The following TBC1D23 variants were observed in gnomAD, a reference collection of about 807,000 sequenced individuals.
TBC1D23 encodes the protein HCV non-structural protein 4A-transactivated protein 1.
Under a neutral mutation model 91.4 loss-of-function variants are expected in TBC1D23, and 55 were observed. The ratio of observed to expected loss-of-function variants is 0.60; its 90% CI spans 0.48 to 0.75. The LOEUF is 0.75. TBC1D23 is among the 30% of genes least tolerant of loss of function. TBC1D23 has a pLI of 0.00. For synonymous variants in TBC1D23, 289 were observed against 281.0 expected, an observed-to-expected ratio of 1.03 and a Z score of -0.28; for missense variants, 725 against 836.1, an observed-to-expected ratio of 0.87 and a Z score of 1.64.
chr3:100,304,691 AC>A (rs1197788258), intron 11 of TBC1D23, among the ~76,000 whole-genome samples, 154 bp from the exon 12 acceptor site: 1 of 152,144 alleles, frequency 6.6e-6, no homozygotes, highest in African/African-American at 2.4e-5. Context: ...AAATGGATAT[AC>A]CTCTCTCTGC....
At position 100,272,990 on chromosome 3, in the gene TBC1D23, G is replaced by A. The variant is rs113252329; in HGVS notation, c.54-6659G>A. On this transcript the variant is annotated intron_variant, in intron 1 of 18. Coordinates refer to ENST00000394144, the MANE Select transcript of TBC1D23 (RefSeq NM_001199198.3). ...CAGATGCCTTCCTCTTGTCTCAACT[G>A]CAAAGAGGCATGCCTTCCTCTTGTA... Among the ~76,000 whole-genome samples the A allele has an allele frequency of 8.5e-4, 130 of 152,172 alleles. 1 individual carries two copies. Among genetic ancestry groups the A allele is most frequent in the African/African-American group, 3.0e-3 (124 of 41,528 alleles).
chr3:100,321,271 G>A (rs764404121), intron 18 of TBC1D23, among the ~76,000 whole-genome samples: 2 of 152,190 alleles, frequency 1.3e-5, no homozygotes, highest in Non-Finnish European at 2.9e-5. Context: ...TAAGAAACTT[G>A]TTTTAGAATA....
intron 14 of TBC1D23, among the ~76,000 whole-genome samples, chr3:100,311,566 A>AT: frequency 6.6e-6 from 1 of 152,186 alleles, no homozygotes; most frequent in Non-Finnish European, 1.5e-5. Flanking sequence ...TTATTGCTAC[A>AT]TTTTGTAGCA....
intron 1 of TBC1D23, among the ~76,000 whole-genome samples, chr3:100,267,413 G>A (rs1419507009): frequency 2.6e-5 from 4 of 152,172 alleles, no homozygotes; most frequent in Admixed American, 6.5e-5. Flanking sequence ...AAAGTCATTT[G>A]TTGCAAGTCT....
intron 15 of TBC1D23, among the ~76,000 whole-genome samples, chr3:100,315,154 C>CTTTTTTTTTTTTTTTTTTTTTTTTTT (rs397705981): frequency 2.7e-5 from 2 of 73,664 alleles, no homozygotes; most frequent in Non-Finnish European, 4.8e-5. Flanking sequence ...GAGGCAGATT[C>CTTTTTTTTTTTTTTTTTTTTTTTTTT]TTTTTTTTTT....
chr3:100,271,812 T>C (rs1205378914), intron 1 of TBC1D23, among the ~76,000 whole-genome samples: 1 of 151,986 alleles, frequency 6.6e-6, no homozygotes, highest in Non-Finnish European at 1.5e-5. Flanking sequence ...TTGAGTAGAG[T>C]ATAGGAACAG....
chr3:100,310,768 A>C (rs1358661675), intron 14 of TBC1D23, among the ~76,000 whole-genome samples: 2 of 152,238 alleles, frequency 1.3e-5, no homozygotes, highest in Non-Finnish European at 2.9e-5. Context: ...TATCTGTCAC[A>C]TCATGCCATT....
chr3:100,274,791 G>A (rs371935597), intron 1 of TBC1D23, among the ~76,000 whole-genome samples: 1 of 147,006 alleles, frequency 6.8e-6, no homozygotes, highest in Admixed American at 6.8e-5. Context: ...TCTATAATAT[G>A]TAATTAACTT....
chr3:100,276,572 T>A (rs182755413), intron 1 of TBC1D23, among the ~76,000 whole-genome samples: 2 of 152,216 alleles, frequency 1.3e-5, no homozygotes, highest in Admixed American at 6.5e-5. Flanking sequence ...AGAAGAAAAA[T>A]CCAATTCATT....
At chr3:100,297,792 GTAT>G in intron 8 of TBC1D23, 128 bp from the exon 9 acceptor site, 1 of 664,722 alleles carries the variant, frequency 1.5e-6, no homozygotes, top group Non-Finnish European at 2.4e-6. Flanking sequence ...AGATTATGTA[GTAT>G]TAAGTTTTAA....
chr3:100,268,727 A>G (rs2067577407), intron 1 of TBC1D23, among the ~76,000 whole-genome samples: 1 of 152,198 alleles, frequency 6.6e-6, no homozygotes, highest in African/African-American at 2.4e-5. Flanking sequence ...GTGGAAAAAC[A>G]AGGATGCATT....
chr3:100,298,669 A>G (rs1032253723), intron 9 of TBC1D23, among the ~76,000 whole-genome samples: 4 of 152,188 alleles, frequency 2.6e-5, no homozygotes, highest in African/African-American at 9.7e-5. Flanking sequence ...TGCGCTGGTT[A>G]TTGAGGATTT....
Position 100,283,766 on chromosome 3 carries a change from A to G in TBC1D23, c.431A>G (p.Asp144Gly). The change falls in exon 4 of 19, where the codon GAT becomes GGT. Residue 144 changes from aspartate (D) to glycine (G), a missense_variant. Physicochemically the swap from Asp to Gly is moderately conservative, Grantham distance 94. Coordinates refer to ENST00000394144, the MANE Select transcript of TBC1D23 (RefSeq NM_001199198.3). The part of the protein sequence containing the change: ...PLVHLQLPRS[D>G]LYNCFYAIMN... ...GTGCATCTTCAACTGCCACGCAGCG[A>G]TTTATACAACTGCTTTTATGCCATA... 6.2e-7 allele frequency: 1 copy of G among 1,613,322 alleles called. No homozygotes were observed. Among genetic ancestry groups the G allele is most frequent in the Admixed American group, 1.7e-5 (1 of 60,024 alleles).
At position 100,323,580 on chromosome 3, in the gene TBC1D23, C is replaced by T; in HGVS notation, c.2019-7C>T. On this transcript the variant is annotated splice_region_variant and splice_polypyrimidine_tract_variant and intron_variant, in intron 18 of 18. Transcript: ENST00000394144. ...ATGTATATATATGTATTTTTTTTCC[C>T]CCTTAGGTATTTGATTCCAAATGCA... 6.9e-7 allele frequency: 1 copy of T among 1,443,320 alleles called. No individual in the cohort carries two copies. Among genetic ancestry groups the T allele is most frequent in the South Asian group, 1.5e-5 (1 of 64,628 alleles). 89.4% of individuals were successfully genotyped at this position (1,443,320 alleles called of 1,614,324 possible).
In TBC1D23 at chr3:100,302,186, C is replaced by T. The variant is rs1246767508; in HGVS notation, c.1212C>T (p.Gly404=). The T allele has an allele frequency of 2.5e-6, 4 of 1,613,768 alleles. No individual in the cohort carries two copies. The highest frequency in any genetic ancestry group is 3.4e-6 in the Non-Finnish European group (4 of 1,179,886). The change falls in exon 11 of 19, where the codon GGC becomes GGT. Residue 404 remains glycine (G), a synonymous_variant. Transcript: ENST00000394144. ...AGCACCTCTGTTTTATGGGCAGTGG[C>T]AGGGAGGAAGAAGACATGTATATGA... ...GGEHLCFMGS[G]REEEDMYMNM...
intron 16 of TBC1D23, among the ~76,000 whole-genome samples, 176 bp downstream of exon 16, chr3:100,316,363 C>T (rs576836457): frequency 3.9e-5 from 6 of 151,920 alleles, no homozygotes; most frequent in Admixed American, 6.6e-5. Flanking sequence ...AATTGTTGTA[C>T]GTATTAGAAA....
intron 15 of TBC1D23, among the ~76,000 whole-genome samples, chr3:100,313,427 C>CA (rs1254103263): frequency 5.3e-5 from 8 of 151,788 alleles, no homozygotes; most frequent in African/African-American, 9.7e-5. Context: ...ATTACCATGG[C>CA]AAAAAAAGTA....
chr3:100,283,388 T>A (rs1417500899), intron 3 of TBC1D23, among the ~76,000 whole-genome samples: 3 of 151,386 alleles, frequency 2.0e-5, no homozygotes, highest in Non-Finnish European at 4.4e-5. Flanking sequence ...AAAAAAAGGC[T>A]GTTATAAAGC....
chr3:100,296,664 C>T (rs1253890624), intron 8 of TBC1D23, among the ~76,000 whole-genome samples: 1 of 151,348 alleles, frequency 6.6e-6, no homozygotes, highest in African/African-American at 2.4e-5. Flanking sequence ...TCGAGACCAT[C>T]CTGGCTAACA....
Sources: gnomAD v4.1 joint callset for allele counts (sites outside exome capture counted in the v4.1 genomes callset) on GRCh38, gnomAD v4.1.1 for gene constraint, MANE v1.5 for transcripts, NCBI Gene and HGNC (gene_info 2026-07-23, HGNC 2026-07-21) for gene names.